The following OGDH variants were observed in gnomAD, a reference collection of about 807,000 sequenced individuals.
The protein encoded by OGDH is 2-oxoglutarate dehydrogenase complex component E1.
OGDH carries 38 observed loss-of-function variants against 116.6 expected under a neutral mutation model. The observed-to-expected ratio is 0.33, with a 90% CI of 0.25 to 0.43. The LOEUF is 0.43. OGDH is among the 20% of genes least tolerant of loss of function. The probability of loss-of-function intolerance (pLI) is 1.00; values close to 1 mark genes in which losing one functional copy is unlikely to be tolerated. For missense variants in OGDH, 825 were observed against 1,357.2 expected (o/e 0.61, Z 6.16); for synonymous variants, 488 against 533.3 (o/e 0.92, Z 1.17).
intron 1 of OGDH, among the ~76,000 whole-genome samples, chr7:44,619,946 T>C (rs1394169315): frequency 6.6e-6 from 1 of 152,220 alleles, no homozygotes; most frequent in Non-Finnish European, 1.5e-5. Context: ...ATAAGTTCCT[T>C]ATCAGATAAT....
chr7:44,647,597 C>T lies in OGDH; in HGVS notation c.415-60C>T. The T allele has an allele frequency of 2.6e-6, 4 of 1,547,312 alleles. No homozygotes were observed. In the South Asian group the frequency reaches 3.4e-5, roughly 13 times the overall value. ...TTTACTTTTTTTTTACCCCTTCCCT[C>T]TTTTTTTTTCTTCTGTCCTTTTGTG... is the stretch of plus-strand genomic sequence containing the variant. On this transcript the variant is annotated intron_variant, in intron 3 of 22. Coordinates refer to ENST00000222673, the MANE Select transcript of OGDH (RefSeq NM_002541.4).
At chr7:44,616,268 A>G (rs115623105) in intron 1 of OGDH, among the ~76,000 whole-genome samples, 140 of 152,156 alleles carry the variant, frequency 9.2e-4, no homozygotes, top group African/African-American at 3.2e-3. Flanking sequence ...AAAAGTGCCT[A>G]TTTATCTACA....
chr7:44,688,311 C>T (rs556209281), intron 10 of OGDH, among the ~76,000 whole-genome samples: 3 of 151,632 alleles, frequency 2.0e-5, no homozygotes, highest in Admixed American at 6.6e-5. Context: ...GCGGAGATTG[C>T]GGTGAGCCGA....
chr7:44,648,658 C>G (rs999206657), intron 4 of OGDH, among the ~76,000 whole-genome samples: 1 of 152,042 alleles, frequency 6.6e-6, no homozygotes, highest in Non-Finnish European at 1.5e-5. Context: ...CAGACAGTCT[C>G]TAAGGCTCTG....
rs563079749 is a variant in OGDH at position 44,631,180 on chromosome 7, G to A, written c.222+6615G>A. Among the ~76,000 whole-genome samples the A allele has an allele frequency of 8.5e-5, 13 of 152,274 alleles. No homozygotes were observed. The South Asian group carries it at 2.5e-3, about 29-fold the overall frequency. On this transcript the variant is annotated intron_variant, in intron 2 of 22. Coordinates refer to ENST00000222673, the MANE Select transcript of OGDH (RefSeq NM_002541.4). ...ACCAACTATTTTCAATCCACGTTTG[G>A]TTGAATCCATGGATGCAGAACCCAC...
chr7:44,636,628 T>C (rs561275844), intron 2 of OGDH, among the ~76,000 whole-genome samples: 1 of 152,298 alleles, frequency 6.6e-6, no homozygotes, highest in South Asian at 2.1e-4. Context: ...GAGGATACTG[T>C]TTCTAGCCTT....
chr7:44,664,295 C>T (rs1432875758), intron 4 of OGDH, among the ~76,000 whole-genome samples: 2 of 152,096 alleles, frequency 1.3e-5, no homozygotes, highest in African/African-American at 2.4e-5. Flanking sequence ...TGATGCATTA[C>T]CTCCCAGAGA....
intron 10 of OGDH, among the ~76,000 whole-genome samples, chr7:44,686,983 G>A (rs934794462): frequency 6.9e-6 from 1 of 145,512 alleles, no homozygotes; most frequent in Non-Finnish European, 1.5e-5. Flanking sequence ...CACCACACCC[G>A]GCCATATTTT....
intron 9 of OGDH, among the ~76,000 whole-genome samples, chr7:44,679,591 C>T (rs1029110781): frequency 1.3e-5 from 2 of 152,166 alleles, no homozygotes; most frequent in Admixed American, 6.5e-5. Context: ...GAGGACACAG[C>T]AGGAGAGGGT....
At chr7:44,681,602 G>A in intron 9 of OGDH, 118 bp from the exon 10 acceptor site, 1 of 1,404,122 alleles carries the variant, frequency 7.1e-7, no homozygotes, top group Non-Finnish European at 9.7e-7. Flanking sequence ...TACTTTCTAT[G>A]TTTGAAATTA....
chr7:44,695,596 A>G (rs1159527085), intron 12 of OGDH, among the ~76,000 whole-genome samples: 3 of 151,836 alleles, frequency 2.0e-5, no homozygotes, highest in South Asian at 4.1e-4. Flanking sequence ...CCAGCTACTC[A>G]GGTGGCTGAG....
At chr7:44,633,114 A>G (rs1785513614) in intron 2 of OGDH, among the ~76,000 whole-genome samples, 1 of 151,630 alleles carries the variant, frequency 6.6e-6, no homozygotes, top group Non-Finnish European at 1.5e-5. Flanking sequence ...TTAGCCGGGC[A>G]TGGTGGCGCA....
chr7:44,663,065 A>G (rs769901940), intron 4 of OGDH, among the ~76,000 whole-genome samples: 7 of 152,096 alleles, frequency 4.6e-5, no homozygotes, highest in Non-Finnish European at 1.0e-4. Flanking sequence ...ATTTATATGT[A>G]TGTGAAATCT....
intron 5 of OGDH, among the ~76,000 whole-genome samples, 183 bp downstream of exon 5, chr7:44,667,034 C>T (rs1245225091): frequency 1.3e-5 from 2 of 152,114 alleles, no homozygotes; most frequent in African/African-American, 4.8e-5. Context: ...GCAGCCTTGA[C>T]CTCCCAGTCT....
intron 4 of OGDH, among the ~76,000 whole-genome samples, chr7:44,666,209 G>C (rs979161762): frequency 1.3e-5 from 2 of 152,170 alleles, no homozygotes; most frequent in African/African-American, 4.8e-5. Context: ...CAGACAAGTT[G>C]ACTTCTGGTG....
intron 4 of OGDH, among the ~76,000 whole-genome samples, chr7:44,664,922 A>G (rs1787114928): frequency 6.6e-6 from 1 of 152,194 alleles, no homozygotes. Context: ...GTAGGCACCT[A>G]CTTCACAGGG....
At chr7:44,639,190 T>G (rs1310559648) in intron 2 of OGDH, among the ~76,000 whole-genome samples, 1 of 152,120 alleles carries the variant, frequency 6.6e-6, no homozygotes, top group Non-Finnish European at 1.5e-5. Flanking sequence ...AGATCCAGAT[T>G]CAGGTGTTCA....
Position 44,635,707 on chromosome 7 carries a change from A to AT in OGDH, c.223-9605dup, listed in dbSNP as rs201074007. Among the ~76,000 whole-genome samples the AT allele has an allele frequency of 4.4e-3, 628 of 142,862 alleles. 6 individuals carry two copies. Among genetic ancestry groups the AT allele is most frequent in the Middle Eastern group, 0.022 (6 of 276 alleles). 93.7% of individuals were successfully genotyped at this position (142,862 alleles called of 152,430 possible). A position where few individuals can be genotyped will look rare whatever the true frequency, so the allele number is the denominator to read the frequency against. On this transcript the variant is annotated intron_variant, in intron 2 of 22. Transcript: ENST00000222673. ...CAAGTATATGTGCAAGGACTTTATAATTTTTTTTTTTTTTTCGAGATGGAG... is the reference window on the plus strand; with the variant it reads ...CAAGTATATGTGCAAGGACTTTATAATTTTTTTTTTTTTTTTCGAGATGGAG...
chr7:44,682,385 CA>C (rs888406332), intron 10 of OGDH, among the ~76,000 whole-genome samples: 171 of 131,482 alleles, frequency 1.3e-3, no homozygotes, highest in Admixed American at 1.3e-3. Context: ...AACTCCATTT[CA>C]AAAAAAAAAA....
Sources: gnomAD v4.1 joint callset for allele counts (sites outside exome capture counted in the v4.1 genomes callset) on GRCh38, gnomAD v4.1.1 for gene constraint, MANE v1.5 for transcripts, NCBI Gene and HGNC (gene_info 2026-07-23, HGNC 2026-07-21) for gene names.